Variants in XPNPEP1 observed in about 807,000 individuals in gnomAD.
XPNPEP1 encodes the protein X-prolyl aminopeptidase 1.
In XPNPEP1, 39 loss-of-function variants were observed where a neutral mutation model predicts 92.4. The observed-to-expected ratio is 0.42, with a 90% confidence interval of 0.33 to 0.55. The LOEUF is 0.55. Ranked by LOEUF, XPNPEP1 falls within the 20% of genes least tolerant of loss-of-function variation. The pLI is 0.08. For synonymous variants in XPNPEP1, 307 were observed against 299.4 expected (o/e 1.03, Z -0.26); for missense variants, 654 against 856.1 (o/e 0.76, Z 2.95).
chr10:109,892,739 T>A (rs1466848987), intron 4 of XPNPEP1, among the ~76,000 whole-genome samples: 1 of 152,172 alleles, frequency 6.6e-6, no homozygotes, highest in Non-Finnish European at 1.5e-5. Context: ...TTTATATGTA[T>A]GTTATATTCA....
At chr10:109,904,831 T>G (rs1304842709) in intron 3 of XPNPEP1, among the ~76,000 whole-genome samples, 1 of 152,106 alleles carries the variant, frequency 6.6e-6, no homozygotes, top group Admixed American at 6.5e-5. Flanking sequence ...ATAGTACAGG[T>G]GCTGCAGAAA....
At chr10:109,908,876 G>A (rs1849702226) in intron 2 of XPNPEP1, among the ~76,000 whole-genome samples, 1 of 152,184 alleles carries the variant, frequency 6.6e-6, no homozygotes, top group South Asian at 2.1e-4. Context: ...CCGTCCACTA[G>A]GAGTCAAAAG....
At chr10:109,878,200 A>C in intron 12 of XPNPEP1, 142 bp from the exon 13 acceptor site, 1 of 824,546 alleles carries the variant, frequency 1.2e-6, no homozygotes, top group Non-Finnish European at 2.0e-6. Context: ...ATCTTTAGCA[A>C]GGGAGAACTC....
intron 3 of XPNPEP1, among the ~76,000 whole-genome samples, chr10:109,894,511 C>G (rs1419827245): frequency 1.4e-5 from 2 of 146,712 alleles, no homozygotes; most frequent in South Asian, 2.2e-4. Flanking sequence ...CCAGCCTAGG[C>G]AACAGAGTGA....
chr10:109,908,682 T>A (rs1447347127), intron 2 of XPNPEP1, among the ~76,000 whole-genome samples: 1 of 152,248 alleles, frequency 6.6e-6, no homozygotes, highest in African/African-American at 2.4e-5. Flanking sequence ...TATGTATATA[T>A]GCAAAGAGAA....
intron 9 of XPNPEP1, 42 bp from the exon 10 acceptor site, chr10:109,882,684 C>T: frequency 6.2e-7 from 1 of 1,604,434 alleles, no homozygotes; most frequent in Non-Finnish European, 8.5e-7. Context: ...AAGGAGGGAA[C>T]ATGAGTGAGA....
intron 2 of XPNPEP1, among the ~76,000 whole-genome samples, chr10:109,911,993 A>T (rs1392007194): frequency 6.6e-6 from 1 of 152,154 alleles, no homozygotes; most frequent in African/African-American, 2.4e-5. Context: ...GCAAACTAAA[A>T]ACCAACAAAA....
At chr10:109,904,743 C>G (rs899248083) in intron 3 of XPNPEP1, among the ~76,000 whole-genome samples, 3 of 152,094 alleles carry the variant, frequency 2.0e-5, no homozygotes, top group African/African-American at 7.2e-5. Flanking sequence ...CATCACCTCA[C>G]AACAAAACAA....
intron 12 of XPNPEP1, among the ~76,000 whole-genome samples, chr10:109,879,038 C>A (rs978995651): frequency 2.0e-5 from 3 of 150,972 alleles, no homozygotes; most frequent in African/African-American, 2.4e-5. Flanking sequence ...GTCAGGAGAT[C>A]GAGACCATCC....
At position 109,907,468 on chromosome 10, in the gene XPNPEP1, C is replaced by T. The variant is rs74844893; in HGVS notation, c.246+223G>A. Among the ~76,000 whole-genome samples the T allele has an allele frequency of 1.9e-3, 290 of 152,292 alleles. No individual in the cohort carries two copies. Among genetic ancestry groups the T allele is most frequent in the Non-Finnish European group, 3.5e-3 (238 of 68,024 alleles). On this transcript the variant is annotated intron_variant, in intron 3 of 20. Transcript: ENST00000502935. ...CCAGAACTTCTGTCCCTTAATTTGC[C>T]CACTAATTCTTCATTGAAAGATGGC... is the stretch of plus-strand genomic sequence containing the variant.
At chr10:109,911,450 T>C (rs980554457) in intron 2 of XPNPEP1, among the ~76,000 whole-genome samples, 2 of 152,146 alleles carry the variant, frequency 1.3e-5, no homozygotes, top group African/African-American at 4.8e-5. Context: ...ATTTCTCACC[T>C]ATCAGAGAAA....
At chr10:109,871,620 T>C (rs1847481082) in intron 17 of XPNPEP1, among the ~76,000 whole-genome samples, 172 bp downstream of exon 17, 1 of 152,202 alleles carries the variant, frequency 6.6e-6, no homozygotes. Context: ...CCCTGAGGCC[T>C]CTGGGCTCAG....
intron 14 of XPNPEP1, chr10:109,877,124 C>G (rs898004842): frequency 1.3e-5 from 2 of 152,268 alleles, no homozygotes; most frequent in African/African-American, 4.8e-5. Flanking sequence ...GATGTATGGA[C>G]TAGTACAAAA....
intron 3 of XPNPEP1, among the ~76,000 whole-genome samples, chr10:109,903,344 C>A (rs1030424994): frequency 6.6e-6 from 1 of 152,186 alleles, no homozygotes; most frequent in African/African-American, 2.4e-5. Flanking sequence ...GCTGAGGCTC[C>A]ATGACGACCT....
At chr10:109,908,202 C>A (rs1849661645) in intron 2 of XPNPEP1, among the ~76,000 whole-genome samples, 1 of 152,150 alleles carries the variant, frequency 6.6e-6, no homozygotes, top group South Asian at 2.1e-4. Flanking sequence ...ATAATACGTA[C>A]AACAGTATAC....
At chr10:109,869,663 G>C (rs1323234805) in intron 19 of XPNPEP1, among the ~76,000 whole-genome samples, 1 of 152,080 alleles carries the variant, frequency 6.6e-6, no homozygotes. Flanking sequence ...TCAGCCTGAG[G>C]GTCTGTGAAT....
chr10:109,888,062 G>A lies in XPNPEP1; in HGVS notation c.639C>T (p.Gly213=). 2 of 1,614,064 alleles carry A rather than the reference G, an allele frequency of 1.2e-6. No homozygotes were observed. Among genetic ancestry groups the A allele is most frequent in the Non-Finnish European group, 1.7e-6 (2 of 1,180,008 alleles). ...ERPCKPLLTL[G]LDYTGISWKD... is the part of the protein sequence containing the mutation. ...ATTGATTCTGACCTGTGTAATCCAG[G>A]CCCAGTGTGAGGAGAGGCTTGCAAG... is the stretch of plus-strand genomic sequence containing the variant. Residue 213 remains glycine (G), a synonymous_variant, in exon 7 of 21, where the codon GGC becomes GGT. Coordinates refer to ENST00000502935, the MANE Select transcript of XPNPEP1 (RefSeq NM_020383.4).
At chr10:109,901,555 T>C (rs951975607) in intron 3 of XPNPEP1, among the ~76,000 whole-genome samples, 1 of 152,226 alleles carries the variant, frequency 6.6e-6, no homozygotes, top group African/African-American at 2.4e-5. Flanking sequence ...TCTGTCACCT[T>C]TGAATTCAGT....
chr10:109,908,798 T>C (rs1162023189), intron 2 of XPNPEP1, among the ~76,000 whole-genome samples: 1 of 152,242 alleles, frequency 6.6e-6, no homozygotes. Context: ...TAAATTTGAC[T>C]GCTTTAAAAG....
Sources: allele counts gnomAD v4.1 joint callset (sites outside exome capture counted in the v4.1 genomes callset), GRCh38; gene constraint gnomAD v4.1.1; transcripts MANE v1.5; gene names NCBI Gene and HGNC (gene_info 2026-07-23, HGNC 2026-07-21).